Variants in LARS2 observed in about 807,000 individuals in gnomAD.
The protein encoded by LARS2 is leucine--tRNA ligase, mitochondrial.
Under a neutral mutation model 116.6 loss-of-function variants are expected in LARS2, and 81 were observed. The ratio of observed to expected loss-of-function variants is 0.69; its 90% CI spans 0.58 to 0.84. LARS2 has a LOEUF of 0.84. LARS2 is among the 40% of genes least tolerant of loss of function. LARS2 has a pLI of 0.00. For synonymous variants in LARS2, 396 were observed against 407.2 expected (o/e 0.97, Z 0.33); for missense variants, 968 against 1,114.5 (o/e 0.87, Z 1.87).
chr3:45,533,888 A>G (rs1700660818), intron 20 of LARS2, among the ~76,000 whole-genome samples: 1 of 152,194 alleles, frequency 6.6e-6, no homozygotes, highest in Non-Finnish European at 1.5e-5. Flanking sequence ...ACGTCACCCC[A>G]CTGGGGCTTT....
chr3:45,419,852 G>A, intron 6 of LARS2, 123 bp downstream of exon 6: 1 of 753,170 alleles, frequency 1.3e-6, no homozygotes, highest in East Asian at 2.5e-5. Context: ...AGGAGGGAAG[G>A]ATTAGCACTC....
intron 4 of LARS2, among the ~76,000 whole-genome samples, chr3:45,411,741 G>A (rs1392445236): frequency 6.6e-6 from 1 of 152,026 alleles, no homozygotes; most frequent in East Asian, 1.9e-4. Context: ...ACATGTGCAG[G>A]TTATATAGCT....
chr3:45,509,708 C>T (rs1700255680), intron 15 of LARS2, among the ~76,000 whole-genome samples: 1 of 152,018 alleles, frequency 6.6e-6, no homozygotes, highest in South Asian at 2.1e-4. Context: ...ACCAGATTCC[C>T]AACTCCCTAT....
intron 15 of LARS2, among the ~76,000 whole-genome samples, chr3:45,509,930 T>C (rs1700261630): frequency 6.6e-6 from 1 of 151,996 alleles, no homozygotes; most frequent in Non-Finnish European, 1.5e-5. Flanking sequence ...CTGGAAAGTA[T>C]AGCATCCAGT....
intron 4 of LARS2, among the ~76,000 whole-genome samples, chr3:45,402,217 T>C (rs1277717444): frequency 6.6e-6 from 1 of 152,202 alleles, no homozygotes; most frequent in Non-Finnish European, 1.5e-5. Context: ...AGAGGATGAC[T>C]ATGAAGCACT....
intron 8 of LARS2, among the ~76,000 whole-genome samples, chr3:45,473,519 G>A (rs1295012113): frequency 6.6e-6 from 1 of 151,784 alleles, no homozygotes; most frequent in Admixed American, 6.6e-5. Context: ...AAGTACCTGG[G>A]ACTACAGGCA....
intron 6 of LARS2, among the ~76,000 whole-genome samples, chr3:45,431,317 C>T (rs570111157): frequency 6.6e-6 from 1 of 152,158 alleles, no homozygotes; most frequent in Non-Finnish European, 1.5e-5. Flanking sequence ...GCTTGTACCT[C>T]TACTTTTTGT....
intron 8 of LARS2, among the ~76,000 whole-genome samples, chr3:45,464,153 C>A (rs775708891): frequency 3.3e-5 from 5 of 152,148 alleles, no homozygotes; most frequent in Non-Finnish European, 7.3e-5. Flanking sequence ...GGTACCTTTA[C>A]CAGAACACAC....
At chr3:45,472,030 A>G (rs1174975773) in intron 8 of LARS2, among the ~76,000 whole-genome samples, 1 of 152,236 alleles carries the variant, frequency 6.6e-6, no homozygotes, top group Non-Finnish European at 1.5e-5. Flanking sequence ...GTTGCAAACA[A>G]CATAAAGTTA....
intron 14 of LARS2, among the ~76,000 whole-genome samples, chr3:45,497,186 C>T (rs1204365955): frequency 1.3e-5 from 2 of 151,544 alleles, no homozygotes; most frequent in Non-Finnish European, 2.9e-5. Context: ...GGCTAAGAGA[C>T]AGGCCTGAGG....
At chr3:45,396,375 T>C (rs2125673117) in intron 3 of LARS2, among the ~76,000 whole-genome samples, 2 of 152,358 alleles carry the variant, frequency 1.3e-5, no homozygotes, top group African/African-American at 4.8e-5. Flanking sequence ...GCTCCTTGCA[T>C]TGTTTATCTC....
chr3:45,409,983 G>T (rs1353993817), intron 4 of LARS2, among the ~76,000 whole-genome samples: 1 of 152,166 alleles, frequency 6.6e-6, no homozygotes, highest in East Asian at 1.9e-4. Flanking sequence ...AACAAAAATA[G>T]AAATGAATAA....
intron 21 of LARS2, among the ~76,000 whole-genome samples, chr3:45,542,831 G>A (rs1700818362): frequency 1.3e-5 from 2 of 152,260 alleles, no homozygotes; most frequent in Admixed American, 1.3e-4. Context: ...AGATAGGACA[G>A]ACAGGTTCCC....
intron 10 of LARS2, among the ~76,000 whole-genome samples, chr3:45,485,386 T>C (rs1047243688): frequency 1.3e-5 from 2 of 152,216 alleles, no homozygotes; most frequent in Non-Finnish European, 2.9e-5. Flanking sequence ...ATCTTCTGTA[T>C]ATTTGAGGTA....
At chr3:45,537,764 C>T (rs556584950) in intron 20 of LARS2, among the ~76,000 whole-genome samples, 15 of 152,274 alleles carry the variant, frequency 9.9e-5, no homozygotes, top group South Asian at 2.1e-4. Context: ...AGATGGCCAC[C>T]AGGAGAGGAC....
chr3:45,476,945 A>G (rs1699622070), intron 10 of LARS2, among the ~76,000 whole-genome samples: 1 of 152,200 alleles, frequency 6.6e-6, no homozygotes, highest in South Asian at 2.1e-4. Context: ...ATAGGAATCT[A>G]TTCTATTAGG....
intron 21 of LARS2, among the ~76,000 whole-genome samples, chr3:45,544,371 T>C (rs1185228672): frequency 6.6e-6 from 1 of 152,232 alleles, no homozygotes; most frequent in Non-Finnish European, 1.5e-5. Context: ...AGCCTCAGTT[T>C]CCTGAGTTAT....
intron 17 of LARS2, among the ~76,000 whole-genome samples, 163 bp downstream of exon 17, chr3:45,516,439 A>G (rs138309226): frequency 6.6e-6 from 1 of 152,332 alleles, no homozygotes; most frequent in African/African-American, 2.4e-5. Context: ...CACCACTCTT[A>G]GACGGGTGTT....
chr3:45,467,001 G>A (rs1039984645), intron 8 of LARS2, among the ~76,000 whole-genome samples: 1 of 152,198 alleles, frequency 6.6e-6, no homozygotes, highest in African/African-American at 2.4e-5. Context: ...GCCAGTCAGC[G>A]TGTGTTGCAG....
Sources: gnomAD v4.1 joint callset for allele counts (sites outside exome capture counted in the v4.1 genomes callset) on GRCh38, gnomAD v4.1.1 for gene constraint, MANE v1.5 for transcripts, NCBI Gene and HGNC (gene_info 2026-07-23, HGNC 2026-07-21) for gene names.